The following TANGO6 variants were observed in gnomAD, a reference collection of about 807,000 sequenced individuals.
The protein encoded by TANGO6 is transport and Golgi organization protein 6 homolog.
Under a neutral mutation model 114.2 loss-of-function variants are expected in TANGO6, and 90 were observed. The observed-to-expected ratio is 0.79, with a 90% CI of 0.66 to 0.94. The LOEUF (loss-of-function observed/expected upper bound fraction) is 0.94, where lower values mean the gene tolerates loss of function less well. TANGO6 is among the 40% of genes least tolerant of loss of function. TANGO6 has a pLI of 0.00. For synonymous variants in TANGO6, 477 were observed against 509.8 expected, an observed-to-expected ratio of 0.94 and a Z score of 0.87; for missense variants, 1,274 against 1,315.3, an observed-to-expected ratio of 0.97 and a Z score of 0.49.
intron 2 of TANGO6, among the ~76,000 whole-genome samples, chr16:68,861,664 A>G (rs1416943499): frequency 6.6e-6 from 1 of 152,212 alleles, no homozygotes; most frequent in Non-Finnish European, 1.5e-5. Context: ...ACACAGAGAA[A>G]GAACCAACTA....
chr16:69,028,686 T>C (rs191125506), intron 16 of TANGO6, among the ~76,000 whole-genome samples: 1 of 151,764 alleles, frequency 6.6e-6, no homozygotes, highest in Non-Finnish European at 1.5e-5. Flanking sequence ...TGGTTTTTAG[T>C]ATATAAAGAG....
At chr16:68,946,199 T>C (rs554161875) in intron 14 of TANGO6, among the ~76,000 whole-genome samples, 170 of 151,018 alleles carry the variant, frequency 1.1e-3, no homozygotes, top group South Asian at 2.5e-3. Flanking sequence ...TCTTCTTCTT[T>C]TTTTTTTTTT....
At chr16:69,021,563 T>G (rs1959406529) in intron 15 of TANGO6, among the ~76,000 whole-genome samples, 1 of 152,216 alleles carries the variant, frequency 6.6e-6, no homozygotes, top group South Asian at 2.1e-4. Flanking sequence ...TGGTCTCTTG[T>G]TTCGCAGCAT....
intron 7 of TANGO6, 58 bp from the exon 8 acceptor site, chr16:68,900,376 T>G (rs1962765439): frequency 1.4e-6 from 2 of 1,407,650 alleles, no homozygotes; most frequent in Non-Finnish European, 2.0e-6. Context: ...GGTGTGTGAT[T>G]CCCGTTGCTC....
chr16:68,922,770 C>T (rs1156472921), intron 12 of TANGO6, among the ~76,000 whole-genome samples: 1 of 151,910 alleles, frequency 6.6e-6, no homozygotes, highest in Non-Finnish European at 1.5e-5. Flanking sequence ...AAACCAAAAC[C>T]ATGTTGTTCC....
intron 14 of TANGO6, among the ~76,000 whole-genome samples, chr16:68,935,226 G>A (rs1963288839): frequency 6.6e-6 from 1 of 152,184 alleles, no homozygotes; most frequent in Non-Finnish European, 1.5e-5. Context: ...AGGATGGGGA[G>A]TGCCTGGTTG....
chr16:69,027,157 C>CG (rs1959515688), intron 16 of TANGO6, among the ~76,000 whole-genome samples: 1 of 152,128 alleles, frequency 6.6e-6, no homozygotes, highest in Non-Finnish European at 1.5e-5. Context: ...CCACCGCGCC[C>CG]GGGCCTGAGA....
At chr16:68,992,929 C>T (rs753816819) in intron 15 of TANGO6, among the ~76,000 whole-genome samples, 58 of 151,924 alleles carry the variant, frequency 3.8e-4, no homozygotes, top group Non-Finnish European at 6.9e-4. Flanking sequence ...ATTAGCTGGG[C>T]GTGGTGGCTC....
At chr16:69,044,011 A>G (rs1411916444) in intron 17 of TANGO6, among the ~76,000 whole-genome samples, 1 of 152,166 alleles carries the variant, frequency 6.6e-6, no homozygotes, top group African/African-American at 2.4e-5. Context: ...TCCCATTTGA[A>G]TGTAGCCAGA....
At chr16:68,905,397 G>C (rs1346413373) in intron 9 of TANGO6, among the ~76,000 whole-genome samples, 1 of 151,036 alleles carries the variant, frequency 6.6e-6, no homozygotes, top group Non-Finnish European at 1.5e-5. Context: ...TTAGCCAGGC[G>C]TGGTGGCGGG....
intron 17 of TANGO6, among the ~76,000 whole-genome samples, chr16:69,080,804 C>A (rs1960452501): frequency 6.6e-6 from 1 of 152,172 alleles, no homozygotes; most frequent in Admixed American, 6.6e-5. Context: ...TAACCTCAAC[C>A]CTCTAACCCT....
intron 16 of TANGO6, among the ~76,000 whole-genome samples, chr16:69,024,482 T>C (rs1959466806): frequency 6.6e-6 from 1 of 152,150 alleles, no homozygotes; most frequent in Non-Finnish European, 1.5e-5. Flanking sequence ...TTGGCCAGAC[T>C]GGTCTTGAAC....
At chr16:69,000,178 A>G (rs1157788577) in intron 15 of TANGO6, among the ~76,000 whole-genome samples, 1 of 152,220 alleles carries the variant, frequency 6.6e-6, no homozygotes, top group Admixed American at 6.5e-5. Context: ...TGGAACACAT[A>G]CCAGTAACAC....
intron 16 of TANGO6, among the ~76,000 whole-genome samples, chr16:69,038,471 G>C (rs1959725214): frequency 6.6e-6 from 1 of 151,714 alleles, no homozygotes; most frequent in South Asian, 2.1e-4. Flanking sequence ...GAATAAGTTA[G>C]ACATACCTTC....
At chr16:69,071,603 A>G (rs1462655462) in intron 17 of TANGO6, among the ~76,000 whole-genome samples, 1 of 152,232 alleles carries the variant, frequency 6.6e-6, no homozygotes, top group Admixed American at 6.5e-5. Context: ...GTCTTTACTC[A>G]TGGAGCTTGT....
At chr16:68,851,186 G>A (rs181221962) in intron 1 of TANGO6, among the ~76,000 whole-genome samples, 1 of 151,856 alleles carries the variant, frequency 6.6e-6, no homozygotes, top group Non-Finnish European at 1.5e-5. Flanking sequence ...TTGAGATGGA[G>A]TCTCGCTCTG....
chr16:68,929,403 A>G (rs2152197044), intron 13 of TANGO6, among the ~76,000 whole-genome samples: 1 of 152,230 alleles, frequency 6.6e-6, no homozygotes, highest in South Asian at 2.1e-4. Flanking sequence ...CCCTAAATTA[A>G]GCTTCCCTTG....
chr16:68,900,515 T>C lies in TANGO6; in HGVS notation c.1459T>C (p.Cys487Arg), dbSNP rs756776947. 6 of 1,613,994 alleles carry C rather than the reference T, an allele frequency of 3.7e-6. No individual in the cohort carries two copies. Among genetic ancestry groups the C allele is most frequent in the Non-Finnish European group, 5.1e-6 (6 of 1,179,846 alleles). ...CCTGGGAGTGCTTTTTCTTCTCTACTGTTTTACTAAGCAGAGTGTGTCTCA... is the reference window on the plus strand; with the variant it reads ...CCTGGGAGTGCTTTTTCTTCTCTACCGTTTTACTAAGCAGAGTGTGTCTCA... ...PVLGVLFLLY[C>R]FTKQSVSHIR... The change falls in exon 8 of 18, where the codon TGT (cysteine) becomes CGT (arginine). Residue 487 changes from cysteine to arginine, a missense_variant. This residue lies in a region of TANGO6 where 908 missense variants were observed against 910.2 expected (regional missense o/e 1.00). Transcript: ENST00000261778.
intron 17 of TANGO6, among the ~76,000 whole-genome samples, chr16:69,053,583 G>A (rs146061367): frequency 6.6e-6 from 1 of 152,262 alleles, no homozygotes; most frequent in Non-Finnish European, 1.5e-5. Context: ...GTCTGGACTG[G>A]TTACTTCTAA....
Sources: gnomAD v4.1 joint callset for allele counts (sites outside exome capture counted in the v4.1 genomes callset) on GRCh38, gnomAD v4.1.1 for gene constraint, gnomAD v4.1.1 regional missense constraint, MANE v1.5 for transcripts, NCBI Gene and HGNC (gene_info 2026-07-23, HGNC 2026-07-21) for gene names.